The following NRXN3 variants were observed in gnomAD, a reference collection of about 807,000 sequenced individuals.
The protein encoded by NRXN3 is neurexin 3.
In NRXN3, 32 loss-of-function variants were observed where a neutral mutation model predicts 137.6. The ratio of observed to expected loss-of-function variants is 0.23; its 90% CI spans 0.18 to 0.31. NRXN3 has a LOEUF of 0.31. Ranked by LOEUF, NRXN3 falls within the 10% of genes least tolerant of loss-of-function variation. The pLI is 1.00. For synonymous variants in NRXN3, 798 were observed against 784.5 expected, an observed-to-expected ratio of 1.02 and a Z score of -0.29; for missense variants, 1,574 against 2,062.5, an observed-to-expected ratio of 0.76 and a Z score of 4.59.
rs563067599 is a variant in NRXN3, at chr14:78,522,004, C to G, written c.758-123116C>G. 3.3e-5 allele frequency among the ~76,000 whole-genome samples: 5 copies of G among 152,176 alleles called. No individual in the cohort carries two copies. In the South Asian group the frequency reaches 8.3e-4, roughly 25 times the overall value. On this transcript the variant is annotated intron_variant, in intron 4 of 20. Transcript: ENST00000335750. ...ATGAAGATGAATGATTTAGGTCATA[C>G]TTCAATAAAATATTTTTACTGTTTA...
chr14:79,080,978 G>A (rs1164913987), intron 15 of NRXN3, among the ~76,000 whole-genome samples: 2 of 151,704 alleles, frequency 1.3e-5, no homozygotes, highest in Non-Finnish European at 2.9e-5. Flanking sequence ...TTTTTGTTTT[G>A]TTTTGGTTTT....
In NRXN3 at chr14:79,740,710, TTTTATATA is replaced by T. The variant is rs1447289376; in HGVS notation, c.4014+42775_4014+42782del. ...TTTCCACTGGACTTTGCATTTAGTTTTTTATATATATATATATATATATATATATATAT... is the reference window on the plus strand; with the variant it reads ...TTTCCACTGGACTTTGCATTTAGTTTTATATATATATATATATATATATAT... On this transcript the variant is annotated intron_variant, in intron 19 of 20. Coordinates refer to ENST00000335750, the MANE Select transcript of NRXN3 (RefSeq NM_001330195.2). Among the ~76,000 whole-genome samples the T allele has an allele frequency of 7.3e-3, 537 of 73,620 alleles. 57 individuals carry two copies. The highest frequency in any genetic ancestry group is 0.016 in the Middle Eastern group (2 of 128). The allele number at this position is 73,620 out of a possible 152,430, so 48.3% of individuals were successfully genotyped here.
intron 20 of NRXN3, among the ~76,000 whole-genome samples, chr14:79,827,453 A>G (rs61992443): frequency 3.0e-4 from 45 of 152,216 alleles, no homozygotes; most frequent in Non-Finnish European, 4.6e-4. Flanking sequence ...TTTTGTCCAA[A>G]GTATAAAATA....
At chr14:78,426,185 G>A (rs937414441) in intron 4 of NRXN3, among the ~76,000 whole-genome samples, 9 of 152,224 alleles carry the variant, frequency 5.9e-5, no homozygotes, top group Admixed American at 1.3e-4. Context: ...TCAAGGAAAT[G>A]AGAGCAGAGG....
At chr14:78,613,622 G>A (rs2097320359) in intron 4 of NRXN3, among the ~76,000 whole-genome samples, 1 of 137,854 alleles carries the variant, frequency 7.3e-6, no homozygotes, top group Non-Finnish European at 1.5e-5. Flanking sequence ...AAGGAATAGA[G>A]CTAGCCAGAG....
chr14:79,464,089 C>G (rs1600682616), intron 15 of NRXN3, among the ~76,000 whole-genome samples: 1 of 152,076 alleles, frequency 6.6e-6, no homozygotes, highest in African/African-American at 2.4e-5. Flanking sequence ...AAAACAATAA[C>G]AACATCAGAG....
chr14:79,148,795 G>A (rs1273965749), intron 15 of NRXN3, among the ~76,000 whole-genome samples: 1 of 152,080 alleles, frequency 6.6e-6, no homozygotes, highest in Non-Finnish European at 1.5e-5. Flanking sequence ...CCCCTGGACT[G>A]CCTTACTAAT....
intron 4 of NRXN3, among the ~76,000 whole-genome samples, chr14:78,518,737 T>C (rs1399590961): frequency 6.6e-6 from 1 of 152,136 alleles, no homozygotes; most frequent in Non-Finnish European, 1.5e-5. Context: ...GGTGAGATCA[T>C]AGCCCATGCC....
intron 16 of NRXN3, among the ~76,000 whole-genome samples, chr14:79,649,355 A>G (rs1454651330): frequency 6.6e-6 from 1 of 152,158 alleles, no homozygotes; most frequent in Non-Finnish European, 1.5e-5. Context: ...CTGATGGAAG[A>G]GGGATACCTA....
At chr14:79,192,886 C>T (rs1181815631) in intron 15 of NRXN3, among the ~76,000 whole-genome samples, 2 of 151,374 alleles carry the variant, frequency 1.3e-5, no homozygotes, top group African/African-American at 4.9e-5. Context: ...TTCTCCTGCC[C>T]CAGCCTCCTG....
At chr14:79,410,648 A>G (rs1408193398) in intron 15 of NRXN3, among the ~76,000 whole-genome samples, 1 of 152,076 alleles carries the variant, frequency 6.6e-6, no homozygotes, top group East Asian at 1.9e-4. Context: ...TACTTTTGCC[A>G]TTTGTGAAGT....
intron 15 of NRXN3, among the ~76,000 whole-genome samples, chr14:79,282,144 A>G (rs2081373464): frequency 6.6e-6 from 1 of 152,022 alleles, no homozygotes; most frequent in Non-Finnish European, 1.5e-5. Flanking sequence ...AGGAGAAAAA[A>G]GAGCCACAAC....
intron 4 of NRXN3, among the ~76,000 whole-genome samples, chr14:78,476,298 T>A (rs960140309): frequency 6.6e-6 from 1 of 152,200 alleles, no homozygotes; most frequent in Non-Finnish European, 1.5e-5. Context: ...TAAGGAGAAC[T>A]GGTAGAGTGA....
chr14:78,400,184 G>A (rs2091917510), intron 4 of NRXN3, among the ~76,000 whole-genome samples: 1 of 152,102 alleles, frequency 6.6e-6, no homozygotes, highest in African/African-American at 2.4e-5. Context: ...ATTTCTCTCA[G>A]ACATAGAAAA....
At chr14:78,256,186 C>T (rs547237504) in intron 2 of NRXN3, among the ~76,000 whole-genome samples, 140 of 152,144 alleles carry the variant, frequency 9.2e-4, no homozygotes, top group Non-Finnish European at 1.8e-3. Context: ...GAGGCAGGCA[C>T]GTTGTTGTCA....
intron 10 of NRXN3, among the ~76,000 whole-genome samples, chr14:78,823,016 G>A (rs935886329): frequency 4.6e-5 from 7 of 152,112 alleles, no homozygotes; most frequent in Middle Eastern, 3.2e-3. Context: ...AGGCATATTA[G>A]TGCCCCATGC....
At chr14:79,490,473 C>G (rs574973733) in intron 16 of NRXN3, among the ~76,000 whole-genome samples, 1 of 152,038 alleles carries the variant, frequency 6.6e-6, no homozygotes, top group Non-Finnish European at 1.5e-5. Flanking sequence ...CAATGGAGTA[C>G]TATTCAGTCA....
rs370080496 is a variant in NRXN3 at position 78,645,088 on chromosome 14, G to A, written c.758-32G>A. 2.1e-4 allele frequency: 324 copies of A among 1,508,308 alleles called. 1 individual carries two copies. In the African/African-American group the frequency reaches 3.8e-3, roughly 18 times the overall value. 93.4% of individuals were successfully genotyped at this position (1,508,308 alleles called of 1,614,324 possible). On this transcript the variant is annotated intron_variant, in intron 4 of 20. Transcript: ENST00000335750. Reference sequence around the variant, plus strand: ...TAGGTCTGACTCTTGCCAGACAAGTGCTGATTGCTTTCCTCTTTTCTTTTC... The same window carrying A: ...TAGGTCTGACTCTTGCCAGACAAGTACTGATTGCTTTCCTCTTTTCTTTTC...
At chr14:79,531,047 T>C (rs1424186511) in intron 16 of NRXN3, among the ~76,000 whole-genome samples, 1 of 152,206 alleles carries the variant, frequency 6.6e-6, no homozygotes, top group East Asian at 1.9e-4. Context: ...CACATTTGGA[T>C]TGAGAATTTA....
Sources: allele counts gnomAD v4.1 joint callset (sites outside exome capture counted in the v4.1 genomes callset), GRCh38; gene constraint gnomAD v4.1.1; transcripts MANE v1.5; gene names NCBI Gene and HGNC (gene_info 2026-07-23, HGNC 2026-07-21).